Variants in BRAF observed in about 807,000 individuals in gnomAD.
The protein encoded by BRAF is B-Raf proto-oncogene, serine/threonine kinase.
BRAF carries 16 observed loss-of-function variants against 104.6 expected under a neutral mutation model. The ratio of observed to expected loss-of-function variants is 0.15; its 90% confidence interval spans 0.10 to 0.23. The LOEUF (loss-of-function observed/expected upper bound fraction) is 0.23, where lower values mean the gene tolerates loss of function less well. Among genes scored for constraint, BRAF ranks in the 10% least tolerant of loss-of-function variants. The pLI is 1.00. For synonymous variants in BRAF, 310 were observed against 341.6 expected, an observed-to-expected ratio of 0.91 and a Z score of 1.02; for missense variants, 541 against 937.3, an observed-to-expected ratio of 0.58 and a Z score of 5.52.
At chr7:140,866,387 T>G (rs1563004022) in intron 1 of BRAF, among the ~76,000 whole-genome samples, 1 of 152,248 alleles carries the variant, frequency 6.6e-6, no homozygotes, top group African/African-American at 2.4e-5. Flanking sequence ...TAAAAGTCTG[T>G]GGGAAACACT....
intron 1 of BRAF, among the ~76,000 whole-genome samples, chr7:140,918,714 C>T (rs898231814): frequency 7.2e-5 from 11 of 152,188 alleles, no homozygotes; most frequent in Admixed American, 7.2e-4. Context: ...CACCTCATAT[C>T]CAGTAAGGTT....
At chr7:140,882,823 C>T (rs7786128) in intron 1 of BRAF, among the ~76,000 whole-genome samples, 14,259 of 151,842 alleles carry the variant, frequency 0.094, 2,145 homozygotes, top group African/African-American at 0.32. Context: ...AGAAGAAACC[C>T]CGTCTCTACT....
chr7:140,800,536 A>T, intron 6 of BRAF, 55 bp from the exon 7 acceptor site: 1 of 1,613,154 alleles, frequency 6.2e-7, no homozygotes, highest in Non-Finnish European at 8.5e-7. Context: ...AGCTTCATAT[A>T]CCAAAATACA....
chr7:140,771,300 A>T (rs763367182), intron 14 of BRAF, among the ~76,000 whole-genome samples: 12 of 152,078 alleles, frequency 7.9e-5, no homozygotes, highest in Non-Finnish European at 1.6e-4. Flanking sequence ...GGCTCAAGTG[A>T]TCCTCCCACC....
At chr7:140,778,822 G>A (rs980701985) in intron 12 of BRAF, among the ~76,000 whole-genome samples, 8 of 151,934 alleles carry the variant, frequency 5.3e-5, no homozygotes, top group African/African-American at 1.9e-4. Flanking sequence ...TTGTAACATT[G>A]TTGGCAGCAT....
At chr7:140,832,157 AAG>A (rs1806833684) in intron 3 of BRAF, among the ~76,000 whole-genome samples, 1 of 152,226 alleles carries the variant, frequency 6.6e-6, no homozygotes, top group African/African-American at 2.4e-5. Flanking sequence ...GAAAGGAACA[AAG>A]ATATAAAGGC....
intron 1 of BRAF, among the ~76,000 whole-genome samples, chr7:140,883,487 C>T (rs1387630614): frequency 6.6e-6 from 1 of 152,180 alleles, no homozygotes; most frequent in East Asian, 1.9e-4. Context: ...AAATGTGAGG[C>T]ACTGCTGTAG....
intron 1 of BRAF, among the ~76,000 whole-genome samples, chr7:140,863,279 G>A (rs551660774): frequency 6.6e-6 from 1 of 152,020 alleles, no homozygotes; most frequent in East Asian, 1.9e-4. Context: ...ACAATAGAAA[G>A]TAAAAGGAAA....
rs529939283 is a variant in BRAF, at chr7:140,905,945, G to A, written c.138+18621C>T. Among the ~76,000 whole-genome samples the A allele has an allele frequency of 1.2e-3, 180 of 149,652 alleles. 1 individual carries two copies. The highest frequency in any genetic ancestry group is 0.01 in the Middle Eastern group (3 of 290). ...CTACTAAAAATACAAAAAATTAGCC[G>A]GGCGTAGTGGCGGGCGCCTGTAGTC... On this transcript the variant is annotated intron_variant, in intron 1 of 19. Coordinates refer to ENST00000644969, the MANE Select transcript of BRAF (RefSeq NM_001374258.1).
At chr7:140,754,143 T>C in intron 15 of BRAF, 44 bp downstream of exon 14, 1 of 1,573,716 alleles carries the variant, frequency 6.4e-7, no homozygotes, top group Non-Finnish European at 8.7e-7. Flanking sequence ...GAAGAAAAAG[T>C]CAGGATGTTT....
intron 1 of BRAF, among the ~76,000 whole-genome samples, chr7:140,896,560 C>T (rs1397820989): frequency 6.6e-6 from 1 of 151,786 alleles, no homozygotes; most frequent in East Asian, 1.9e-4. Flanking sequence ...GAAATCCTGT[C>T]TCTACTAAAA....
rs770959656 is a variant in BRAF, at chr7:140,720,313, G to A, written c.*6181C>T. 7.5e-6 allele frequency: 8 copies of A among 1,062,460 alleles called. No homozygotes were observed. The highest frequency in any genetic ancestry group is 1.6e-5 in the African/African-American group (1 of 60,910). 65.8% of individuals were successfully genotyped at this position (1,062,460 alleles called of 1,614,324 possible). ...AGTCTATATATGTGGCATGGCCAAA[G>A]GAAACACGGAGGACCCATGGATGCA... On this transcript the variant is annotated 3_prime_UTR_variant, in exon 20 of 20. Transcript: ENST00000644969.
chr7:140,859,834 C>A (rs890826284), intron 1 of BRAF, among the ~76,000 whole-genome samples: 1 of 152,010 alleles, frequency 6.6e-6, no homozygotes, highest in East Asian at 1.9e-4. Context: ...ACTACAGGTG[C>A]ACACCACCAT....
intron 1 of BRAF, among the ~76,000 whole-genome samples, chr7:140,922,257 T>C (rs1387141370): frequency 6.6e-6 from 1 of 152,226 alleles, no homozygotes; most frequent in East Asian, 1.9e-4. Context: ...TTCCAATTAC[T>C]GGCAATTTAT....
intron 2 of BRAF, among the ~76,000 whole-genome samples, chr7:140,843,219 A>AT (rs1808174006): frequency 6.6e-6 from 1 of 152,190 alleles, no homozygotes; most frequent in South Asian, 2.1e-4. Context: ...GTTATAGAGG[A>AT]TTTTTGAGAA....
chr7:140,857,506 C>G (rs1809929703), intron 1 of BRAF, among the ~76,000 whole-genome samples: 1 of 152,128 alleles, frequency 6.6e-6, no homozygotes, highest in South Asian at 2.1e-4. Context: ...AAAATGAACA[C>G]AGATGGAGAA....
chr7:140,797,920 GAATAAAATGACTCCA>G (rs1802656781), intron 7 of BRAF, among the ~76,000 whole-genome samples: 1 of 152,092 alleles, frequency 6.6e-6, no homozygotes, highest in African/African-American at 2.4e-5. Context: ...GAGCCAACGG[GAATAAAATGACTCCA>G]CTAGAAGAGA....
intron 17 of BRAF, chr7:140,741,580 T>TAA (rs1208057481): frequency 7.9e-5 from 12 of 152,212 alleles, no homozygotes; most frequent in African/African-American, 2.9e-4. Flanking sequence ...AATCTTTTTG[T>TAA]GATATGTATC....
intron 1 of BRAF, among the ~76,000 whole-genome samples, chr7:140,878,361 AT>A (rs1812495560): frequency 6.6e-6 from 1 of 152,176 alleles, no homozygotes; most frequent in African/African-American, 2.4e-5. Context: ...GGATTTAGCA[AT>A]GGATTCTTAG....
Sources: gnomAD v4.1 joint callset for allele counts (sites outside exome capture counted in the v4.1 genomes callset) on GRCh38, gnomAD v4.1.1 for gene constraint, MANE v1.5 for transcripts, NCBI Gene and HGNC (gene_info 2026-07-23, HGNC 2026-07-21) for gene names.